Variants in CFAP92 observed in about 807,000 individuals in gnomAD.
CFAP92 encodes cilia and flagella associated protein 92 (putative).
CFAP92 carries 86 observed loss-of-function variants against 106.3 expected under a neutral mutation model. The observed-to-expected ratio is 0.81, with a 90% CI of 0.68 to 0.97. The LOEUF is 0.97. Ranked by LOEUF, CFAP92 falls within the 50% of genes least tolerant of loss-of-function variation. CFAP92 has a pLI of 0.00. For synonymous variants in CFAP92, 477 were observed against 506.4 expected (o/e 0.94, Z 0.78); for missense variants, 1,204 against 1,283.8 (o/e 0.94, Z 0.95).
intron 8 of CFAP92, among the ~76,000 whole-genome samples, chr3:128,966,234 C>G (rs1368363703): frequency 6.6e-6 from 1 of 152,212 alleles, no homozygotes; most frequent in Non-Finnish European, 1.5e-5. Flanking sequence ...TGCCCAGTAC[C>G]CTCATGTGGC....
intron 9 of CFAP92, among the ~76,000 whole-genome samples, chr3:128,961,226 C>A (rs1338291599): frequency 6.6e-6 from 1 of 152,176 alleles, no homozygotes; most frequent in Non-Finnish European, 1.5e-5. Context: ...GTCTGAGGTG[C>A]CTGACGTCCC....
chr3:128,918,940 ATTTT>A (rs10573280), intron 12 of CFAP92, among the ~76,000 whole-genome samples: 2,379 of 105,826 alleles, frequency 0.022, 42 homozygotes, highest in African/African-American at 0.063. Context: ...CTCAGATTGG[ATTTT>A]TTTTTTTTTT....
chr3:128,935,957 A>G (rs185843722), intron 10 of CFAP92, among the ~76,000 whole-genome samples: 157 of 152,364 alleles, frequency 1.0e-3, no homozygotes, highest in African/African-American at 3.6e-3. Flanking sequence ...CCTGGTAGAC[A>G]CAACATCTTT....
intron 11 of CFAP92, 115 bp from the exon 12 acceptor site, chr3:128,933,112 T>G (rs1938581794): frequency 2.1e-6 from 2 of 966,708 alleles, no homozygotes; most frequent in East Asian, 2.6e-5. Context: ...TGGTCCCAAG[T>G]CCTGGAGCTT....
intron 7 of CFAP92, among the ~76,000 whole-genome samples, chr3:128,972,014 G>C (rs192935504): frequency 5.3e-4 from 81 of 152,302 alleles, no homozygotes; most frequent in African/African-American, 1.7e-3. Flanking sequence ...GGACAGACGA[G>C]AAAGCCCAGG....
intron 6 of CFAP92, 91 bp downstream of exon 6, chr3:128,976,888 T>C (rs1361291982): frequency 3.0e-6 from 3 of 1,000,994 alleles, no homozygotes; most frequent in East Asian, 2.4e-5. Flanking sequence ...CCAGTTTAAC[T>C]GGATTTACTA....
chr3:129,002,232 C>T (rs1237470620), intron 1 of CFAP92: 3 of 1,529,074 alleles, frequency 2.0e-6, no homozygotes, highest in Admixed American at 2.0e-5. Flanking sequence ...GCGCGTTGCG[C>T]GGCTGGAGGA....
At chr3:128,926,181 G>GTGCT (rs1462006576) in intron 12 of CFAP92, among the ~76,000 whole-genome samples, 2 of 152,214 alleles carry the variant, frequency 1.3e-5, no homozygotes, top group East Asian at 3.8e-4. Context: ...TCGTGAAAAG[G>GTGCT]TGCTCAACAT....
chr3:128,945,169 G>GAGCA lies in CFAP92; in HGVS notation c.2156_2159dup (p.Thr721AlafsTer89). ...TCCCGTCCAGCAGGTGGAAGCCAGT[G>GAGCA]AGCACATCCAGGTGCTGCTGCTCCT... is the stretch of plus-strand genomic sequence containing the variant. On this transcript the variant is annotated frameshift_variant, in exon 10 of 16. Coordinates refer to ENST00000645291, the MANE Select transcript of CFAP92 (RefSeq NM_001394090.1). LOFTEE classifies it high-confidence loss of function. The GAGCA allele has an allele frequency of 6.5e-7, 1 of 1,536,184 alleles. No homozygotes were observed. The highest frequency in any genetic ancestry group is 8.7e-7 in the Non-Finnish European group (1 of 1,146,914).
intron 10 of CFAP92, among the ~76,000 whole-genome samples, chr3:128,939,397 C>T (rs199828860): frequency 6.6e-6 from 1 of 152,164 alleles, no homozygotes; most frequent in African/African-American, 2.4e-5. Flanking sequence ...CTCAGCCTCC[C>T]AAAGTGCTGA....
chr3:128,975,981 G>T (rs996542468), intron 6 of CFAP92, 78 bp from the exon 7 acceptor site: 12 of 1,420,990 alleles, frequency 8.4e-6, no homozygotes, highest in African/African-American at 1.4e-5. Context: ...TTTACTGATG[G>T]ACTAAATGAG....
intron 7 of CFAP92, among the ~76,000 whole-genome samples, 171 bp downstream of exon 7, chr3:128,975,608 A>G (rs1315027912): frequency 6.6e-6 from 1 of 152,190 alleles, no homozygotes; most frequent in Non-Finnish European, 1.5e-5. Flanking sequence ...ATGGATGGAT[A>G]GACGGTAAGG....
chr3:129,001,577 G>A (rs1383064679), intron 1 of CFAP92: 13 of 1,346,074 alleles, frequency 9.7e-6, no homozygotes, highest in Non-Finnish European at 1.2e-5. Flanking sequence ...TGGAAGTGGC[G>A]GGGCGAAGGG....
intron 9 of CFAP92, 73 bp from the exon 10 acceptor site, chr3:128,946,048 A>C: frequency 1.6e-4 from 185 of 1,123,818 alleles, no homozygotes; most frequent in Non-Finnish European, 2.0e-4. Flanking sequence ...TGAGGAGCTC[A>C]AATCCCAGTG....
chr3:128,914,163 T>C (rs1936622384), intron 15 of CFAP92, among the ~76,000 whole-genome samples: 2 of 152,260 alleles, frequency 1.3e-5, no homozygotes, highest in Middle Eastern at 6.8e-3. Flanking sequence ...CCAGGAGACT[T>C]TTGCTGGGAA....
At chr3:129,000,593 C>G (rs1203552059) in intron 1 of CFAP92, among the ~76,000 whole-genome samples, 2 of 152,310 alleles carry the variant, frequency 1.3e-5, no homozygotes, top group South Asian at 2.1e-4. Context: ...CACTGCACCC[C>G]TCTCGTGAAA....
At chr3:128,939,917 C>T (rs1939464229) in intron 10 of CFAP92, among the ~76,000 whole-genome samples, 1 of 152,234 alleles carries the variant, frequency 6.6e-6, no homozygotes. Flanking sequence ...GCTTGCTGAC[C>T]TCCTGCTGTG....
rs903851366 is a variant in CFAP92 at position 128,983,299 on chromosome 3, GCCT to G, written c.667+4314_667+4316del. Among the ~76,000 whole-genome samples the G allele has an allele frequency of 2.8e-4, 43 of 152,192 alleles. 1 individual carries two copies. Among genetic ancestry groups the G allele is most frequent in the African/African-American group, 9.9e-4 (41 of 41,430 alleles). ...GTTCTCAGACCTCAGCAGGCCAGCA[GCCT>G]CCTCCAAATGCGAGCATTGAGCCTG... On this transcript the variant is annotated intron_variant, in intron 4 of 15. Transcript: ENST00000645291.
the CFAP92 span, among the ~76,000 whole-genome samples, chr3:129,015,374 G>T: frequency 6.6e-6 from 1 of 151,974 alleles, no homozygotes; most frequent in Non-Finnish European, 1.5e-5. Context: ...GGACTTTTCT[G>T]TCCTTCATGT....
Sources: allele counts gnomAD v4.1 joint callset (sites outside exome capture counted in the v4.1 genomes callset), GRCh38; gene constraint gnomAD v4.1.1; transcripts MANE v1.5; gene names NCBI Gene and HGNC (gene_info 2026-07-23, HGNC 2026-07-21).